PACS1: variants seen among roughly 807,000 people sequenced by gnomAD.
PACS1 encodes the protein phosphofurin acidic cluster sorting protein 1, also known as PACS-1.
Under a neutral mutation model 115.0 loss-of-function variants are expected in PACS1, and 24 were observed. The ratio of observed to expected loss-of-function variants is 0.21; its 90% CI spans 0.15 to 0.29. The LOEUF (loss-of-function observed/expected upper bound fraction) is 0.29. Among genes scored for constraint, PACS1 ranks in the 10% least tolerant of loss-of-function variants. The probability of loss-of-function intolerance (pLI) is 1.00; values close to 1 mark genes in which losing one functional copy is unlikely to be tolerated. For synonymous variants in PACS1, 453 were observed against 504.5 expected (o/e 0.90, Z 1.37); for missense variants, 838 against 1,251.2 (o/e 0.67, Z 4.98).
intron 1 of PACS1, among the ~76,000 whole-genome samples, chr11:66,159,305 C>G (rs758630492): frequency 2.0e-5 from 3 of 152,122 alleles, no homozygotes; most frequent in Non-Finnish European, 4.4e-5. Context: ...GGCGTGGTGG[C>G]ACATGCCTGT....
chr11:66,167,882 C>G (rs1459619422), intron 1 of PACS1, among the ~76,000 whole-genome samples: 1 of 150,266 alleles, frequency 6.7e-6, no homozygotes, highest in East Asian at 1.9e-4. Context: ...CATAGTGCTT[C>G]AACTACTGTT....
intron 10 of PACS1, among the ~76,000 whole-genome samples, chr11:66,222,405 C>T (rs559718282): frequency 3.9e-5 from 6 of 152,286 alleles, no homozygotes; most frequent in South Asian, 2.1e-4. Flanking sequence ...GCCGGAGCCA[C>T]GACCTGGGCC....
Position 66,233,034 on chromosome 11 carries a change from G to A in PACS1, c.1806G>A (p.Val602=). The A allele has an allele frequency of 6.2e-7, 1 of 1,611,208 alleles. No homozygotes were observed. Among genetic ancestry groups the A allele is most frequent in the African/African-American group, 1.3e-5 (1 of 75,054 alleles). The change falls in exon 15 of 24, where the codon GTG becomes GTA. Residue 602 remains valine, a synonymous_variant. Transcript: ENST00000320580. The surrounding 1 kb of genome is among the most constrained non-coding windows in gnomAD (Gnocchi z 4.5). ...GCTCCACCGTGGAGGTCCAGGCCGT[G>A]CTGTCCGCCCTGCTCACCCGGATCC... The part of the protein sequence containing the change: ...CTCSTVEVQA[V]LSALLTRIQR...
chr11:66,152,628 T>G (rs1859266314), intron 1 of PACS1, among the ~76,000 whole-genome samples: 1 of 152,212 alleles, frequency 6.6e-6, no homozygotes, highest in Non-Finnish European at 1.5e-5. Flanking sequence ...GAGATCCTTT[T>G]GCAGCTCATG....
At chr11:66,101,370 T>G (rs1750824187) in intron 1 of PACS1, among the ~76,000 whole-genome samples, 1 of 152,246 alleles carries the variant, frequency 6.6e-6, no homozygotes, top group Admixed American at 6.5e-5. Context: ...TACAGTGGGT[T>G]GGGAATCTTG....
At chr11:66,136,954 G>C (rs1172875218) in intron 1 of PACS1, among the ~76,000 whole-genome samples, 1 of 151,666 alleles carries the variant, frequency 6.6e-6, no homozygotes, top group East Asian at 1.9e-4. Context: ...GGCTTGTTGG[G>C]CTTTTTTCTT....
At chr11:66,100,435 C>A in intron 1 of PACS1, among the ~76,000 whole-genome samples, 1 of 152,138 alleles carries the variant, frequency 6.6e-6, no homozygotes, top group Non-Finnish European at 1.5e-5. Context: ...GCCTCAGCAC[C>A]CTGCGTCCTT....
chr11:66,118,595 G>C (rs1470318750), intron 1 of PACS1, among the ~76,000 whole-genome samples: 2 of 151,896 alleles, frequency 1.3e-5, no homozygotes, highest in African/African-American at 4.8e-5. Flanking sequence ...CTGAGTGACA[G>C]AGTGAGATCT....
chr11:66,168,554 T>A (rs1859661351), intron 1 of PACS1, among the ~76,000 whole-genome samples: 1 of 150,344 alleles, frequency 6.7e-6, no homozygotes, highest in South Asian at 2.1e-4. Context: ...GTTTCAATCC[T>A]CACCTAGCTG....
chr11:66,216,850 G>A (rs764969194), intron 7 of PACS1, 75 bp downstream of exon 7: 33 of 922,238 alleles, frequency 3.6e-5, no homozygotes, highest in Non-Finnish European at 5.5e-5. Flanking sequence ...GCATATTCAG[G>A]CCTAGTGGAG....
intron 1 of PACS1, among the ~76,000 whole-genome samples, chr11:66,112,807 TAAC>T (rs1264549932): frequency 6.6e-6 from 1 of 152,168 alleles, no homozygotes; most frequent in Non-Finnish European, 1.5e-5. Context: ...TTGTTCATAA[TAAC>T]AAAAGCTGGA....
At position 66,180,143 on chromosome 11, in the gene PACS1, A is replaced by AT. The variant is rs529262694; in HGVS notation, c.357-13337dup. On this transcript the variant is annotated intron_variant, in intron 1 of 23. Coordinates refer to ENST00000320580, the MANE Select transcript of PACS1 (RefSeq NM_018026.4). ...AGGCATGAGCCACTGTGCCCAGCAG[A>AT]TTTTTTATATTTTAATTTGATATTA... Among the ~76,000 whole-genome samples, 250 of 151,578 alleles carry AT rather than the reference A, an allele frequency of 1.6e-3. 2 individuals are homozygous for AT. Among genetic ancestry groups the AT allele is most frequent in the African/African-American group, 5.8e-3 (242 of 41,378 alleles).
At position 66,211,250 on chromosome 11, in the gene PACS1, C is replaced by T. The variant is rs1363889385; in HGVS notation, c.651C>T (p.Asn217=). Residue 217 remains asparagine (N), a synonymous_variant, in exon 4 of 24, where the codon AAC becomes AAT. Coordinates refer to ENST00000320580, the MANE Select transcript of PACS1 (RefSeq NM_018026.4). ...GYKTLAVGLI[N]MAEVMQHPNE... ...AGACCTTGGCCGTGGGACTCATCAA[C>T]ATGGCAGAGGTGAGAGGAACACAGT... 3.1e-6 allele frequency: 5 copies of T among 1,613,456 alleles called. No homozygotes were observed. Among genetic ancestry groups the T allele is most frequent in the Non-Finnish European group, 4.2e-6 (5 of 1,179,592 alleles).
chr11:66,070,798 C>T lies in PACS1; in HGVS notation c.312C>T (p.Tyr104=), dbSNP rs1857295036. The T allele has an allele frequency of 6.6e-7, 1 of 1,510,434 alleles. No individual in the cohort carries two copies. Among genetic ancestry groups the T allele is most frequent in the Non-Finnish European group, 8.8e-7 (1 of 1,135,958 alleles). The allele number at this position is 1,510,434 out of a possible 1,614,324, so 93.6% of individuals were successfully genotyped here. ...RTPAPVQMNL[Y]ATWEVDRSSS... ...CCGCCCCGGTGCAGATGAACCTGTA[C>T]GCCACCTGGGAGGTGGACCGGAGCT... Residue 104 remains tyrosine (Y), a synonymous_variant, in exon 1 of 24, where the codon TAC becomes TAT. Coordinates refer to ENST00000320580, the MANE Select transcript of PACS1 (RefSeq NM_018026.4). The surrounding 1 kb of genome is among the most constrained non-coding windows in gnomAD (Gnocchi z 5.9).
intron 1 of PACS1, among the ~76,000 whole-genome samples, chr11:66,169,776 A>T (rs1456041169): frequency 2.0e-5 from 3 of 150,180 alleles, no homozygotes; most frequent in Non-Finnish European, 2.9e-5. Context: ...ATTACTGATC[A>T]TAAAAGAGAT....
Position 66,169,177 on chromosome 11 carries a change from T to G in PACS1, c.357-24309T>G, listed in dbSNP as rs1449606564. Among the ~76,000 whole-genome samples the G allele has an allele frequency of 2.0e-5, 3 of 150,634 alleles. No individual in the cohort carries two copies. The South Asian group carries it at 6.2e-4, about 31-fold the overall frequency. ...TCACTATTAAAGTGTTTGCTGTAGATTTCTGATGTGTATCTTTTATGTCAA... is the reference window on the plus strand; with the variant it reads ...TCACTATTAAAGTGTTTGCTGTAGAGTTCTGATGTGTATCTTTTATGTCAA... On this transcript the variant is annotated intron_variant, in intron 1 of 23. Coordinates refer to ENST00000320580, the MANE Select transcript of PACS1 (RefSeq NM_018026.4).
rs760675727 is a variant in PACS1 at position 66,232,998 on chromosome 11, G to A, written c.1770G>A (p.Val590=). ...TGCTCCAGGACCAGCGGAAGCCTGTGGTGTGCACCTGCTCCACCGTGGAGG... is the reference window on the plus strand; with the variant it reads ...TGCTCCAGGACCAGCGGAAGCCTGTAGTGTGCACCTGCTCCACCGTGGAGG... ...AELLQDQRKP[V]VCTCSTVEVQ... is the part of the protein sequence containing the mutation. The change falls in exon 15 of 24, where the codon GTG becomes GTA. Residue 590 remains valine, a synonymous_variant. Transcript: ENST00000320580. The A allele has an allele frequency of 5.6e-6, 9 of 1,612,888 alleles. No homozygotes were observed. The highest frequency in any genetic ancestry group is 7.6e-6 in the Non-Finnish European group (9 of 1,179,996).
intron 1 of PACS1, among the ~76,000 whole-genome samples, chr11:66,163,040 A>C (rs1165249788): frequency 6.6e-6 from 1 of 152,152 alleles, no homozygotes; most frequent in Non-Finnish European, 1.5e-5. Flanking sequence ...AGTTTATTGC[A>C]GTTTCTCCTT....
At chr11:66,223,714 C>T (rs987806681) in intron 10 of PACS1, among the ~76,000 whole-genome samples, 2 of 152,208 alleles carry the variant, frequency 1.3e-5, no homozygotes, top group African/African-American at 4.8e-5. Context: ...CCTAATATAA[C>T]AAAATGTAAC....
Sources: gnomAD v4.1 joint callset for allele counts (sites outside exome capture counted in the v4.1 genomes callset) on GRCh38, gnomAD v4.1.1 for gene constraint, Gnocchi (gnomAD v3.1) non-coding constraint, MANE v1.5 for transcripts, NCBI Gene and HGNC (gene_info 2026-07-23, HGNC 2026-07-21) for gene names.